MYO5A: variants seen among roughly 807,000 people sequenced by gnomAD.
The protein encoded by MYO5A is unconventional myosin-Va.
A neutral mutation model predicts 249.7 loss-of-function variants in MYO5A; 98 were observed. The observed-to-expected ratio is 0.39, with a 90% CI of 0.33 to 0.46. The LOEUF is 0.46. Ranked by LOEUF, MYO5A falls within the 20% of genes least tolerant of loss-of-function variation. The pLI, the probability that MYO5A is intolerant of heterozygous loss-of-function variation, is 0.98. For synonymous variants in MYO5A, 778 were observed against 810.6 expected (o/e 0.96, Z 0.68); for missense variants, 1,696 against 2,308.8 (o/e 0.73, Z 5.44).
intron 25 of MYO5A, among the ~76,000 whole-genome samples, chr15:52,354,379 T>C (rs543528641): frequency 1.3e-5 from 2 of 152,346 alleles, no homozygotes; most frequent in African/African-American, 4.8e-5. Context: ...AAATCTACAT[T>C]TAGGAATTAA....
At chr15:52,459,619 TCC>T (rs2076196658) in intron 1 of MYO5A, among the ~76,000 whole-genome samples, 1 of 151,930 alleles carries the variant, frequency 6.6e-6, no homozygotes, top group Non-Finnish European at 1.5e-5. Flanking sequence ...TCCCCACATT[TCC>T]CCCTTTTCTA....
intron 27 of MYO5A, among the ~76,000 whole-genome samples, chr15:52,352,705 C>T (rs898970685): frequency 6.6e-6 from 1 of 152,056 alleles, no homozygotes; most frequent in African/African-American, 2.4e-5. Flanking sequence ...ATGGCATGAA[C>T]CTGGGAGGCG....
intron 1 of MYO5A, among the ~76,000 whole-genome samples, chr15:52,434,622 CAGA>C (rs1041335613): frequency 9.9e-5 from 15 of 152,070 alleles, no homozygotes; most frequent in African/African-American, 3.4e-4. Flanking sequence ...GGACATAAGC[CAGA>C]AGATTATGTG....
chr15:52,353,297 A>G (rs1260029827), intron 27 of MYO5A, among the ~76,000 whole-genome samples: 2 of 152,156 alleles, frequency 1.3e-5, no homozygotes, highest in African/African-American at 4.8e-5. Flanking sequence ...TCCTACTCCT[A>G]TGTCTGGTCT....
chr15:52,464,800 C>T (rs2076321022), intron 1 of MYO5A, among the ~76,000 whole-genome samples: 1 of 152,156 alleles, frequency 6.6e-6, no homozygotes, highest in South Asian at 2.1e-4. Flanking sequence ...TTCCAACACC[C>T]TAGTTCTAAT....
intron 5 of MYO5A, among the ~76,000 whole-genome samples, chr15:52,414,073 G>A (rs995746099): frequency 6.6e-6 from 1 of 152,178 alleles, no homozygotes; most frequent in Admixed American, 6.5e-5. Context: ...TATAGTGAAA[G>A]CCTTGGTAAA....
At chr15:52,380,242 T>G (rs974546678) in intron 16 of MYO5A, among the ~76,000 whole-genome samples, 1 of 152,048 alleles carries the variant, frequency 6.6e-6, no homozygotes, top group Non-Finnish European at 1.5e-5. Context: ...TCAAGACCAG[T>G]CTGGCCAACA....
At chr15:52,498,015 A>AT (rs1283597139) in intron 1 of MYO5A, among the ~76,000 whole-genome samples, 14 of 152,158 alleles carry the variant, frequency 9.2e-5, no homozygotes, top group African/African-American at 3.4e-4. Context: ...CTGAAAAGCA[A>AT]TGTCTGAGCA....
At chr15:52,396,495 T>G in intron 10 of MYO5A, 98 bp from the exon 11 acceptor site, 2 of 700,666 alleles carry the variant, frequency 2.9e-6, no homozygotes, top group Non-Finnish European at 2.5e-6. Context: ...AAGTGGGACA[T>G]TCCCCAACAT....
At chr15:52,449,464 C>G (rs1468250949) in intron 1 of MYO5A, among the ~76,000 whole-genome samples, 1 of 152,104 alleles carries the variant, frequency 6.6e-6, no homozygotes, top group Non-Finnish European at 1.5e-5. Context: ...CAAGCCCTTT[C>G]CCCCATCCTC....
intron 18 of MYO5A, 96 bp downstream of exon 18, chr15:52,379,528 TG>T: frequency 9.9e-7 from 1 of 1,006,048 alleles, no homozygotes; most frequent in Non-Finnish European, 1.6e-6. Context: ...CGAAATGATC[TG>T]GACTAGTAAA....
At chr15:52,314,027 GATA>G (rs2037871806) in intron 41 of MYO5A, 93 bp downstream of exon 41, 1 of 1,298,138 alleles carries the variant, frequency 7.7e-7, no homozygotes. Flanking sequence ...TGTAAAATAA[GATA>G]ATAAAAGATA....
At chr15:52,361,962 T>C (rs2040552283) in intron 24 of MYO5A, among the ~76,000 whole-genome samples, 1 of 152,124 alleles carries the variant, frequency 6.6e-6, no homozygotes, top group Non-Finnish European at 1.5e-5. Context: ...CCCTCCCCTC[T>C]CTGGAATTAA....
chr15:52,340,434 C>T lies in MYO5A; in HGVS notation c.4041-40G>A, dbSNP rs762719669. ...CATGGGTCGGAAGGGGAGACGACAC[C>T]CCGAGTTGCTGCCTAACGGGTGTAA... On this transcript the variant is annotated intron_variant, in intron 31 of 41. Coordinates refer to ENST00000399233, the MANE Select transcript of MYO5A (RefSeq NM_001382347.1). 7 of 1,587,898 alleles carry T rather than the reference C, an allele frequency of 4.4e-6. No individual in the cohort carries two copies. In the East Asian group the frequency reaches 1.1e-4, roughly 25 times the overall value.
At chr15:52,419,361 C>T (rs918274757) in intron 4 of MYO5A, among the ~76,000 whole-genome samples, 3 of 151,920 alleles carry the variant, frequency 2.0e-5, no homozygotes, top group South Asian at 2.1e-4. Context: ...GTGTTTTTAC[C>T]GTGGTGTCTT....
intron 1 of MYO5A, among the ~76,000 whole-genome samples, chr15:52,450,568 C>G (rs563348271): frequency 6.6e-6 from 1 of 151,224 alleles, no homozygotes; most frequent in South Asian, 2.1e-4. Context: ...ACTCGGTAGG[C>G]TGAGGTGGGA....
At chr15:52,457,899 T>C (rs1402111305) in intron 1 of MYO5A, among the ~76,000 whole-genome samples, 2 of 152,190 alleles carry the variant, frequency 1.3e-5, no homozygotes, top group Admixed American at 1.3e-4. Flanking sequence ...GTGTTATGTA[T>C]ACATAATAGA....
chr15:52,413,465 A>G (rs2043338225), intron 5 of MYO5A, among the ~76,000 whole-genome samples: 2 of 152,224 alleles, frequency 1.3e-5, no homozygotes, highest in Admixed American at 6.5e-5. Flanking sequence ...CTTCCTTTTT[A>G]AAGAATAATG....
chr15:52,495,039 T>A (rs759569253), intron 1 of MYO5A, among the ~76,000 whole-genome samples: 2 of 152,182 alleles, frequency 1.3e-5, no homozygotes, highest in Non-Finnish European at 2.9e-5. Flanking sequence ...ATATATGATA[T>A]ATATATATCC....
Sources: gnomAD v4.1 joint callset for allele counts (sites outside exome capture counted in the v4.1 genomes callset) on GRCh38, gnomAD v4.1.1 for gene constraint, MANE v1.5 for transcripts, NCBI Gene and HGNC (gene_info 2026-07-23, HGNC 2026-07-21) for gene names.